Variants in NTM observed in about 807,000 individuals in gnomAD.
NTM encodes the protein neurotrimin, also known as IgLON family member 2.
NTM carries 13 observed loss-of-function variants against 42.1 expected under a neutral mutation model. That is an observed-to-expected ratio of 0.31 (90% CI 0.20 to 0.49). The LOEUF (loss-of-function observed/expected upper bound fraction) is 0.49, where lower values mean the gene tolerates loss of function less well. Among genes scored for constraint, NTM ranks in the 20% least tolerant of loss-of-function variants. The pLI is 0.99. For synonymous variants in NTM, 187 were observed against 179.2 expected, an observed-to-expected ratio of 1.04 and a Z score of -0.35; for missense variants, 373 against 452.8, an observed-to-expected ratio of 0.82 and a Z score of 1.60.
intron 1 of NTM, among the ~76,000 whole-genome samples, chr11:131,845,580 A>G (rs1180962349): frequency 1.3e-5 from 2 of 151,576 alleles, no homozygotes; most frequent in Non-Finnish European, 1.5e-5. Flanking sequence ...GCTGGTTTAC[A>G]TTGTCCTTCA....
Position 131,370,779 on chromosome 11 carries a change from A to C in NTM, c.-28A>C. The C allele has an allele frequency of 3.8e-6, 6 of 1,594,704 alleles. No individual in the cohort carries two copies. The highest frequency in any genetic ancestry group is 4.3e-6 in the Non-Finnish European group (5 of 1,166,464). On this transcript the variant is annotated 5_prime_UTR_variant, in exon 1 of 9. Transcript: ENST00000683400. ...AAGAAAAAAACCGAACCTGACAAAAAAGAAGAAAAAGAAGAAGAAAAAAAA... is the reference window on the plus strand; with the variant it reads ...AAGAAAAAAACCGAACCTGACAAAACAGAAGAAAAAGAAGAAGAAAAAAAA...
chr11:132,031,783 A>G (rs2075953940), intron 2 of NTM, among the ~76,000 whole-genome samples: 1 of 152,118 alleles, frequency 6.6e-6, no homozygotes. Context: ...ATAGACTTAG[A>G]CATGTCTTGG....
chr11:132,299,488 A>C (rs2094758405), intron 4 of NTM, among the ~76,000 whole-genome samples: 2 of 152,138 alleles, frequency 1.3e-5, no homozygotes, highest in Non-Finnish European at 2.9e-5. Flanking sequence ...AAAGGAGGAG[A>C]TAAGTTTCCC....
chr11:131,789,444 AG>A (rs2089907998), intron 1 of NTM, among the ~76,000 whole-genome samples: 1 of 10,328 alleles, frequency 9.7e-5, no homozygotes, highest in African/African-American at 3.7e-4. Context: ...AAGAAGAAGA[AG>A]AAGAAGAAGA....
At chr11:131,744,325 A>G (rs2081538910) in intron 1 of NTM, among the ~76,000 whole-genome samples, 1 of 152,212 alleles carries the variant, frequency 6.6e-6, no homozygotes, top group African/African-American at 2.4e-5. Flanking sequence ...TATTCTTATA[A>G]TATTTTAGCA....
chr11:132,195,419 C>A (rs1359156926), intron 3 of NTM, among the ~76,000 whole-genome samples: 2 of 150,966 alleles, frequency 1.3e-5, no homozygotes. Context: ...CTACTAACAT[C>A]ATTTTTCACA....
chr11:132,138,375 T>C (rs1285530615), intron 2 of NTM, among the ~76,000 whole-genome samples: 1 of 152,134 alleles, frequency 6.6e-6, no homozygotes, highest in African/African-American at 2.4e-5. Context: ...GACCTTGGTG[T>C]GGCATAGGAA....
At position 131,897,894 on chromosome 11, in the gene NTM, G is replaced by A. The variant is rs181850550; in HGVS notation, c.83-13670G>A. On this transcript the variant is annotated intron_variant, in intron 1 of 8. Coordinates refer to ENST00000683400, the MANE Select transcript of NTM (RefSeq NM_001352005.2). ...GCATTTGTGTCGTGTCAATTTCCATGTAATTATGCTCAATTCCCAGAATTC... is the reference window on the plus strand; with the variant it reads ...GCATTTGTGTCGTGTCAATTTCCATATAATTATGCTCAATTCCCAGAATTC... 1.3e-4 allele frequency among the ~76,000 whole-genome samples: 20 copies of A among 152,326 alleles called. No homozygotes were observed. In the East Asian group the frequency reaches 3.7e-3, roughly 28 times the overall value.
chr11:131,791,559 T>A (rs2090944950), intron 1 of NTM, among the ~76,000 whole-genome samples: 2 of 152,318 alleles, frequency 1.3e-5, no homozygotes, highest in South Asian at 4.1e-4. Context: ...AGAAGGCCCC[T>A]CAGGCTCCTT....
intron 1 of NTM, among the ~76,000 whole-genome samples, chr11:131,684,319 C>T (rs767943689): frequency 6.6e-5 from 10 of 152,244 alleles, no homozygotes; most frequent in Admixed American, 2.6e-4. Flanking sequence ...TGGCAAGTGA[C>T]GTCTCTGAGA....
chr11:132,172,652 T>C (rs968239274), intron 3 of NTM, among the ~76,000 whole-genome samples: 1 of 152,198 alleles, frequency 6.6e-6, no homozygotes, highest in Non-Finnish European at 1.5e-5. Flanking sequence ...CCTCACAAGA[T>C]ATATAATTTT....
intron 2 of NTM, among the ~76,000 whole-genome samples, chr11:132,028,105 T>G (rs534323064): frequency 6.6e-6 from 1 of 152,204 alleles, no homozygotes; most frequent in South Asian, 2.1e-4. Context: ...CATTCCCCAT[T>G]TGTCCTTGCA....
intron 1 of NTM, among the ~76,000 whole-genome samples, chr11:131,452,692 C>A (rs1318499603): frequency 6.6e-6 from 1 of 152,118 alleles, no homozygotes; most frequent in Non-Finnish European, 1.5e-5. Context: ...TCCCAAGACT[C>A]CACAACTAGT....
chr11:131,669,192 G>C (rs2069657074), intron 1 of NTM, among the ~76,000 whole-genome samples: 1 of 152,162 alleles, frequency 6.6e-6, no homozygotes, highest in Non-Finnish European at 1.5e-5. Context: ...CAAAGAGAGA[G>C]AGAGAGAGAG....
intron 4 of NTM, among the ~76,000 whole-genome samples, chr11:132,258,469 G>A (rs1490163961): frequency 2.0e-5 from 3 of 152,138 alleles, no homozygotes; most frequent in Non-Finnish European, 4.4e-5. Flanking sequence ...TAAATAGGAT[G>A]TGCCACCCTA....
intron 2 of NTM, among the ~76,000 whole-genome samples, chr11:132,017,689 C>G (rs1473889057): frequency 2.0e-5 from 3 of 151,902 alleles, no homozygotes; most frequent in African/African-American, 7.2e-5. Context: ...TTGTATCAGC[C>G]TGCTGAGATT....
chr11:132,061,847 C>A (rs575019281), intron 2 of NTM, among the ~76,000 whole-genome samples: 1 of 152,192 alleles, frequency 6.6e-6, no homozygotes, highest in Admixed American at 6.5e-5. Flanking sequence ...GCAGGAGCTC[C>A]ATTTTTTAAA....
chr11:131,578,043 C>T (rs2058083125), intron 1 of NTM, among the ~76,000 whole-genome samples: 1 of 152,192 alleles, frequency 6.6e-6, no homozygotes, highest in South Asian at 2.1e-4. Context: ...AAGCGGCAGG[C>T]TGCTAGGACA....
At chr11:132,212,194 A>AT in intron 4 of NTM, 47 bp downstream of exon 4, 1 of 1,562,076 alleles carries the variant, frequency 6.4e-7, no homozygotes, top group Non-Finnish European at 8.7e-7. Context: ...AAATGGGGGA[A>AT]TTTTGGGCCT....
Sources: gnomAD v4.1 joint callset for allele counts (sites outside exome capture counted in the v4.1 genomes callset) on GRCh38, gnomAD v4.1.1 for gene constraint, MANE v1.5 for transcripts, NCBI Gene and HGNC (gene_info 2026-07-23, HGNC 2026-07-21) for gene names.